The following EYA2 variants were observed in gnomAD, a reference collection of about 807,000 sequenced individuals.
The protein encoded by EYA2 is EYA transcriptional coactivator and phosphatase 2, also known as protein phosphatase EYA2.
Under a neutral mutation model 69.2 loss-of-function variants are expected in EYA2, and 31 were observed. The ratio of observed to expected loss-of-function variants is 0.45; its 90% CI spans 0.34 to 0.60. EYA2 has a LOEUF of 0.60. Among genes scored for constraint, EYA2 ranks in the 20% least tolerant of loss-of-function variants. The pLI is 0.02. For missense variants in EYA2, 622 were observed against 701.2 expected, an observed-to-expected ratio of 0.89 and a Z score of 1.28; for synonymous variants, 257 against 279.4, an observed-to-expected ratio of 0.92 and a Z score of 0.80.
intron 5 of EYA2, among the ~76,000 whole-genome samples, chr20:47,070,462 C>T (rs2031274060): frequency 6.6e-6 from 1 of 152,236 alleles, no homozygotes; most frequent in Non-Finnish European, 1.5e-5. Flanking sequence ...GGCACAGCCA[C>T]TTAGGAAAAC....
chr20:47,123,510 A>G (rs759970643), intron 9 of EYA2, among the ~76,000 whole-genome samples: 7 of 152,250 alleles, frequency 4.6e-5, no homozygotes, highest in Non-Finnish European at 7.4e-5. Context: ...CAAGGAGGCA[A>G]TTCTCCTTAA....
At chr20:47,077,563 C>T (rs2146483356) in intron 7 of EYA2, among the ~76,000 whole-genome samples, 1 of 152,176 alleles carries the variant, frequency 6.6e-6, no homozygotes, top group Admixed American at 6.5e-5. Flanking sequence ...AGGGAAGACC[C>T]ACCTGTTTTG....
chr20:47,111,581 C>T (rs1224337920), intron 9 of EYA2, among the ~76,000 whole-genome samples: 2 of 152,186 alleles, frequency 1.3e-5, no homozygotes, highest in Admixed American at 1.3e-4. Context: ...AGAGACCCGT[C>T]TTTAGTCCTC....
chr20:46,935,544 C>T (rs1004267678), intron 1 of EYA2, among the ~76,000 whole-genome samples: 1 of 152,136 alleles, frequency 6.6e-6, no homozygotes, highest in Non-Finnish European at 1.5e-5. Flanking sequence ...AAACTGGGCA[C>T]CATGATAGCA....
chr20:47,001,384 C>T, intron 2 of EYA2, 44 bp from the exon 3 acceptor site: 1 of 1,584,078 alleles, frequency 6.3e-7, no homozygotes, highest in Non-Finnish European at 8.7e-7. Context: ...CAGAACATCA[C>T]CCTAATCGCT....
chr20:46,910,441 G>T (rs779592573), intron 1 of EYA2, among the ~76,000 whole-genome samples: 3 of 152,138 alleles, frequency 2.0e-5, no homozygotes, highest in Non-Finnish European at 4.4e-5. Context: ...ATTTCAACAT[G>T]AGACTTGGGT....
At chr20:47,081,723 G>A (rs1311133082) in intron 7 of EYA2, among the ~76,000 whole-genome samples, 11 of 146,658 alleles carry the variant, frequency 7.5e-5, no homozygotes, top group East Asian at 4.1e-4. Context: ...AGGTTGCAGC[G>A]AGCCAAGATT....
At chr20:46,991,252 C>G (rs746864922) in intron 2 of EYA2, among the ~76,000 whole-genome samples, 1 of 152,222 alleles carries the variant, frequency 6.6e-6, no homozygotes, top group Non-Finnish European at 1.5e-5. Flanking sequence ...TTTGAGAGCC[C>G]GTAGTAACAG....
intron 5 of EYA2, among the ~76,000 whole-genome samples, chr20:47,032,270 C>A (rs533297386): frequency 6.6e-6 from 1 of 152,162 alleles, no homozygotes; most frequent in Non-Finnish European, 1.5e-5. Context: ...TCCCTGGGCC[C>A]GGGGAACATG....
intron 7 of EYA2, among the ~76,000 whole-genome samples, chr20:47,074,995 C>T (rs1290172800): frequency 1.3e-5 from 2 of 152,224 alleles, no homozygotes; most frequent in African/African-American, 4.8e-5. Flanking sequence ...CCTGTAATCC[C>T]AGCTACTAGG....
At chr20:46,976,665 G>T (rs185167882) in intron 1 of EYA2, among the ~76,000 whole-genome samples, 1 of 152,198 alleles carries the variant, frequency 6.6e-6, no homozygotes, top group African/African-American at 2.4e-5. Context: ...GATTACAGGC[G>T]TGAGCCACCA....
At chr20:47,164,414 G>T (rs2034138420) in intron 10 of EYA2, among the ~76,000 whole-genome samples, 1 of 152,168 alleles carries the variant, frequency 6.6e-6, no homozygotes, top group South Asian at 2.1e-4. Context: ...ATGGAACCCT[G>T]CCCAGAGGCC....
intron 10 of EYA2, among the ~76,000 whole-genome samples, chr20:47,149,007 T>A (rs6018303): frequency 0.054 from 8,247 of 151,836 alleles, 660 homozygotes; most frequent in East Asian, 0.17. Flanking sequence ...GAAGAAGAGA[T>A]TGGGGAGGCC....
At chr20:47,142,440 A>G (rs2033616155) in intron 9 of EYA2, among the ~76,000 whole-genome samples, 1 of 152,250 alleles carries the variant, frequency 6.6e-6, no homozygotes, top group African/African-American at 2.4e-5. Context: ...TGACAGTTTC[A>G]TATCAGTAAC....
chr20:47,084,583 A>G (rs1449702165), intron 7 of EYA2, among the ~76,000 whole-genome samples: 2 of 152,246 alleles, frequency 1.3e-5, no homozygotes, highest in African/African-American at 4.8e-5. Flanking sequence ...ATATTTGAAC[A>G]GATGATAGAT....
intron 9 of EYA2, among the ~76,000 whole-genome samples, chr20:47,102,655 C>T (rs754382244): frequency 1.3e-5 from 2 of 152,174 alleles, no homozygotes; most frequent in African/African-American, 2.4e-5. Context: ...ACTGGGCTCC[C>T]GTTCTGTTCC....
At chr20:47,142,044 C>G (rs2033607828) in intron 9 of EYA2, among the ~76,000 whole-genome samples, 1 of 152,162 alleles carries the variant, frequency 6.6e-6, no homozygotes, top group Non-Finnish European at 1.5e-5. Flanking sequence ...CTGAATTGAA[C>G]AGGGAGGGTA....
chr20:47,022,429 T>C (rs564537080), intron 5 of EYA2, among the ~76,000 whole-genome samples: 2 of 152,298 alleles, frequency 1.3e-5, no homozygotes, highest in South Asian at 4.1e-4. Context: ...TTCTCTAGCC[T>C]CAGTCTCCCA....
At chr20:47,135,477 A>AATT (rs113627247) in intron 9 of EYA2, among the ~76,000 whole-genome samples, 2,271 of 150,836 alleles carry the variant, frequency 0.015, 53 homozygotes, top group African/African-American at 0.052. Context: ...CATTATTATT[A>AATT]ATTATTATTA....
Sources: allele counts gnomAD v4.1 joint callset (sites outside exome capture counted in the v4.1 genomes callset), GRCh38; gene constraint gnomAD v4.1.1; transcripts MANE v1.5; gene names NCBI Gene and HGNC (gene_info 2026-07-23, HGNC 2026-07-21).